Variants in NTRK2 observed in about 807,000 individuals in gnomAD.
The protein encoded by NTRK2 is neurotrophic receptor tyrosine kinase 2.
Under a neutral mutation model 94.5 loss-of-function variants are expected in NTRK2, and 13 were observed. The ratio of observed to expected loss-of-function variants is 0.14; its 90% confidence interval spans 0.09 to 0.22. The LOEUF is 0.22. Ranked by LOEUF, NTRK2 falls within the 10% of genes least tolerant of loss-of-function variation. NTRK2 has a pLI of 1.00. For missense variants in NTRK2, 639 were observed against 1,071.2 expected (o/e 0.60, Z 5.63); for synonymous variants, 372 against 407.4 (o/e 0.91, Z 1.05).
chr9:84,817,734 C>T (rs1411650191), intron 12 of NTRK2, among the ~76,000 whole-genome samples: 1 of 152,152 alleles, frequency 6.6e-6, no homozygotes, highest in Non-Finnish European at 1.5e-5. Flanking sequence ...TTCAAGTTCC[C>T]TCAAGACTTA....
chr9:84,814,460 A>G, intron 12 of NTRK2: 2 of 1,065,724 alleles, frequency 1.9e-6, no homozygotes, highest in Non-Finnish European at 2.3e-6. Flanking sequence ...CTCTCTCTCT[A>G]GTATTCTAAA....
chr9:84,695,322 A>T (rs2060310828), intron 2 of NTRK2, among the ~76,000 whole-genome samples: 2 of 152,206 alleles, frequency 1.3e-5, no homozygotes, highest in South Asian at 4.1e-4. Context: ...GACAAGATGC[A>T]TTAGATACTA....
At chr9:84,869,619 A>C (rs1183520372) in intron 14 of NTRK2, among the ~76,000 whole-genome samples, 8 of 151,868 alleles carry the variant, frequency 5.3e-5, no homozygotes, top group Admixed American at 4.6e-4. Context: ...AGTGAGTATG[A>C]GCACTCTCAT....
At chr9:84,926,165 C>CTTGCTTTCTTTCTTTCTTT (rs2077786173) in intron 14 of NTRK2, among the ~76,000 whole-genome samples, 2 of 48,384 alleles carry the variant, frequency 4.1e-5, no homozygotes, top group African/African-American at 1.4e-4. Flanking sequence ...TTCCTTCCTT[C>CTTGCTTTCTTTCTTTCTTT]CTTCCTTTCT....
At chr9:84,685,844 G>T (rs1269741251) in intron 2 of NTRK2, among the ~76,000 whole-genome samples, 2 of 152,162 alleles carry the variant, frequency 1.3e-5, no homozygotes, top group East Asian at 1.9e-4. Context: ...TCGCAGCGTA[G>T]GTCACTTAGT....
intron 12 of NTRK2, chr9:84,814,642 T>G: frequency 9.4e-7 from 1 of 1,065,622 alleles, no homozygotes; most frequent in African/African-American, 1.6e-5. Context: ...GTGCTAGCTG[T>G]CTAGAACTTC....
chr9:84,889,828 C>T (rs2076543541), intron 14 of NTRK2, among the ~76,000 whole-genome samples: 1 of 152,192 alleles, frequency 6.6e-6, no homozygotes, highest in African/African-American at 2.4e-5. Flanking sequence ...CCTGACACCA[C>T]CATCATTATT....
intron 11 of NTRK2, among the ~76,000 whole-genome samples, chr9:84,747,454 G>A (rs996171472): frequency 6.4e-5 from 9 of 141,354 alleles, no homozygotes; most frequent in African/African-American, 2.1e-4. Context: ...AAAATTATAT[G>A]TTGACTTTAG....
At chr9:84,788,454 ATGT>A (rs1289979295) in intron 12 of NTRK2, among the ~76,000 whole-genome samples, 1 of 152,176 alleles carries the variant, frequency 6.6e-6, no homozygotes, top group Non-Finnish European at 1.5e-5. Flanking sequence ...GCAATGTGAC[ATGT>A]TGTGTCATCA....
At chr9:84,998,725 G>A (rs1036293576) in intron 17 of NTRK2, among the ~76,000 whole-genome samples, 2 of 152,044 alleles carry the variant, frequency 1.3e-5, no homozygotes, top group African/African-American at 2.4e-5. Context: ...GGAGAAACTC[G>A]CCCACCCACC....
At chr9:84,949,725 C>T (rs368636220) in intron 16 of NTRK2, among the ~76,000 whole-genome samples, 2 of 152,278 alleles carry the variant, frequency 1.3e-5, no homozygotes, top group African/African-American at 4.8e-5. Context: ...CTTAGCCTCC[C>T]AAAGTGCTGG....
intron 14 of NTRK2, chr9:84,871,969 A>C (rs201152200): frequency 6.3e-6 from 10 of 1,575,010 alleles, no homozygotes; most frequent in Non-Finnish European, 8.6e-6. Context: ...AACCTAGCCA[A>C]GCAAGAAGTT....
chr9:84,876,655 A>AT (rs955999974), intron 14 of NTRK2: 44 of 1,058,750 alleles, frequency 4.2e-5, no homozygotes, highest in African/African-American at 4.0e-4. Flanking sequence ...CCATCCTCCC[A>AT]TTTTTTTCCA....
At chr9:84,875,118 G>T (rs1442154290) in intron 14 of NTRK2, 5 of 1,060,344 alleles carry the variant, frequency 4.7e-6, no homozygotes, top group Non-Finnish European at 5.7e-6. Context: ...TAGTCTTGTG[G>T]ATATCCTTTT....
chr9:84,973,883 A>G (rs1826483313), intron 17 of NTRK2, among the ~76,000 whole-genome samples: 1 of 152,336 alleles, frequency 6.6e-6, no homozygotes, highest in South Asian at 2.1e-4. Flanking sequence ...AGGGGAAAAA[A>G]TTTAAAAAAA....
chr9:84,894,979 A>G (rs1329587586), intron 14 of NTRK2, among the ~76,000 whole-genome samples: 2 of 152,202 alleles, frequency 1.3e-5, no homozygotes, highest in Non-Finnish European at 2.9e-5. Flanking sequence ...TCTAAGCAAT[A>G]ATGGAAAAAA....
intron 17 of NTRK2, among the ~76,000 whole-genome samples, chr9:84,975,492 G>T (rs974183871): frequency 6.6e-6 from 1 of 152,138 alleles, no homozygotes; most frequent in Non-Finnish European, 1.5e-5. Flanking sequence ...TCTCACTTTT[G>T]CCATCACATT....
intron 17 of NTRK2, among the ~76,000 whole-genome samples, chr9:85,016,927 G>T (rs1159938236): frequency 6.6e-6 from 1 of 152,160 alleles, no homozygotes; most frequent in Non-Finnish European, 1.5e-5. Context: ...GAAAATAAAT[G>T]ATCAGATGAG....
chr9:84,723,855 C>G, intron 7 of NTRK2, 146 bp downstream of exon 7: 2 of 1,172,010 alleles, frequency 1.7e-6, no homozygotes, highest in South Asian at 1.3e-5. Context: ...CATTCACTTT[C>G]TACTTATTCT....
Sources: allele counts gnomAD v4.1 joint callset (sites outside exome capture counted in the v4.1 genomes callset), GRCh38; gene constraint gnomAD v4.1.1; transcripts MANE v1.5; gene names NCBI Gene and HGNC (gene_info 2026-07-23, HGNC 2026-07-21).